PGBD2: variants seen among roughly 807,000 people sequenced by gnomAD.
The protein encoded by PGBD2 is piggyBac transposable element derived 2.
A neutral mutation model predicts 8.1 loss-of-function variants in PGBD2; 6 were observed. That is an observed-to-expected ratio of 0.74 (90% confidence interval 0.40 to 1.46). PGBD2 has a LOEUF of 1.46. PGBD2 is among the 40% of genes most tolerant of loss of function. The probability of loss-of-function intolerance (pLI) is 0.02; values close to 1 mark genes in which losing one functional copy is unlikely to be tolerated. For missense variants in PGBD2, 802 were observed against 739.0 expected (o/e 1.09, Z -0.99); for synonymous variants, 318 against 272.2 (o/e 1.17, Z -1.66).
chr1:248,914,646 G>A, intron 2 of PGBD2: 1 of 1,256,394 alleles, frequency 8.0e-7, no homozygotes. Flanking sequence ...GCCTGCAAAG[G>A]GGCACAGGGA....
At chr1:248,876,085 C>T in the PGBD2 span, among the ~76,000 whole-genome samples, 2 of 151,364 alleles carry the variant, frequency 1.3e-5, no homozygotes, top group Admixed American at 6.6e-5. Flanking sequence ...CTTGGCTCAC[C>T]GCAACCTCCG....
At chr1:248,922,681 T>C (rs1355962002), downstream of PGBD2, among the ~76,000 whole-genome samples, 2 of 152,210 alleles carry the variant, frequency 1.3e-5, no homozygotes, top group Non-Finnish European at 2.9e-5. Flanking sequence ...TGTTGAATTT[T>C]GTTGAAGGCC....
Position 248,909,293 on chromosome 1 carries a change from C to T in PGBD2, c.-48+2951C>T, listed in dbSNP as rs147020524. On this transcript the variant is annotated intron_variant, in intron 1 of 2. Coordinates refer to ENST00000329291, the MANE Select transcript of PGBD2 (RefSeq NM_170725.3). ...GAATGGGTTTTTGCTGAGCTTCTTG[C>T]GTATGTATCCCCCTCTGACCTGGTT... Among the ~76,000 whole-genome samples, 59 of 152,232 alleles carry T rather than the reference C, an allele frequency of 3.9e-4. 1 individual carries two copies. In the East Asian group the frequency reaches 8.1e-3, roughly 21 times the overall value.
chr1:248,922,062 CTTTTTTT>C (rs977032872), downstream of PGBD2, among the ~76,000 whole-genome samples: 12 of 139,086 alleles, frequency 8.6e-5, no homozygotes, highest in Non-Finnish European at 1.6e-4. Flanking sequence ...TTTCTTTTTT[CTTTTTTT>C]TTTTTTTTGA....
At chr1:248,883,592 T>C in the PGBD2 span, among the ~76,000 whole-genome samples, 549 of 138,030 alleles carry the variant, frequency 4.0e-3, 3 homozygotes, top group Non-Finnish European at 6.3e-3. Flanking sequence ...TTCTTTTTTT[T>C]TTTTTTTTTT....
the PGBD2 span, among the ~76,000 whole-genome samples, chr1:248,874,321 T>C: frequency 5.9e-5 from 9 of 152,296 alleles, no homozygotes; most frequent in African/African-American, 1.4e-4. Context: ...GTCAGGAAAG[T>C]AAGCCGTTTT....
the PGBD2 span, among the ~76,000 whole-genome samples, chr1:248,927,909 A>C: frequency 6.6e-6 from 1 of 152,238 alleles, no homozygotes; most frequent in Non-Finnish European, 1.5e-5. Context: ...TAACTTCATG[A>C]ACCAAAACCA....
the PGBD2 span, among the ~76,000 whole-genome samples, chr1:248,882,949 A>G: frequency 2.6e-5 from 4 of 152,318 alleles, no homozygotes; most frequent in South Asian, 4.1e-4. Flanking sequence ...AATGTGGTGC[A>G]TTATATTTTA....
chr1:248,914,508 T>C (rs776987917), intron 2 of PGBD2: 1 of 1,289,008 alleles, frequency 7.8e-7, no homozygotes. Context: ...CTCCAGGAAG[T>C]GAGGTTGGAG....
chr1:248,927,115 C>A, the PGBD2 span, among the ~76,000 whole-genome samples: 1 of 152,140 alleles, frequency 6.6e-6, no homozygotes, highest in African/African-American at 2.4e-5. Flanking sequence ...CTGGGAGATG[C>A]AGAAGGAGTA....
chr1:248,879,252 A>G, the PGBD2 span, among the ~76,000 whole-genome samples: 2 of 151,926 alleles, frequency 1.3e-5, no homozygotes, highest in Non-Finnish European at 2.9e-5. Context: ...TTTTCTTCTG[A>G]GTTGTAGAGG....
intron 1 of PGBD2, among the ~76,000 whole-genome samples, chr1:248,910,562 A>AT (rs1380117538): frequency 2.6e-5 from 4 of 152,016 alleles, no homozygotes; most frequent in Non-Finnish European, 2.9e-5. Flanking sequence ...CATATTACAC[A>AT]TTTTTCCTGG....
chr1:248,878,931 A>C, the PGBD2 span, among the ~76,000 whole-genome samples: 1 of 152,164 alleles, frequency 6.6e-6, no homozygotes, highest in African/African-American at 2.4e-5. Flanking sequence ...TATAAAATCT[A>C]TCTGTAGGCA....
At chr1:248,928,035 C>T in the PGBD2 span, among the ~76,000 whole-genome samples, 3 of 152,188 alleles carry the variant, frequency 2.0e-5, no homozygotes, top group Non-Finnish European at 4.4e-5. Context: ...CAGGGTGTTT[C>T]GACTTCTTCC....
the PGBD2 span, among the ~76,000 whole-genome samples, chr1:248,880,878 T>G: frequency 6.6e-6 from 1 of 152,214 alleles, no homozygotes; most frequent in Non-Finnish European, 1.5e-5. Flanking sequence ...CCAATAATCT[T>G]AAATGTGTTA....
chr1:248,896,794 G>GA, the PGBD2 span, among the ~76,000 whole-genome samples: 9 of 152,332 alleles, frequency 5.9e-5, no homozygotes, highest in Admixed American at 3.3e-4. Context: ...GGAGAGCAAG[G>GA]AAAAGCAAGG....
chr1:248,908,379 A>T (rs1661734736), intron 1 of PGBD2, among the ~76,000 whole-genome samples: 1 of 152,096 alleles, frequency 6.6e-6, no homozygotes, highest in African/African-American at 2.4e-5. Flanking sequence ...TCTTCCTCCC[A>T]GTGCTGCTAG....
intron 1 of PGBD2, among the ~76,000 whole-genome samples, chr1:248,909,927 C>T (rs1171634485): frequency 6.6e-6 from 1 of 152,198 alleles, no homozygotes; most frequent in Non-Finnish European, 1.5e-5. Flanking sequence ...GATTTTATTT[C>T]AGAGCTTGGT....
the PGBD2 span, among the ~76,000 whole-genome samples, chr1:248,899,197 A>C: frequency 1.3e-5 from 2 of 152,324 alleles, no homozygotes; most frequent in South Asian, 4.1e-4. Context: ...CAGATTATAG[A>C]GACAGAAAAT....
Sources: allele counts gnomAD v4.1 joint callset (sites outside exome capture counted in the v4.1 genomes callset), GRCh38; gene constraint gnomAD v4.1.1; transcripts MANE v1.5; gene names NCBI Gene and HGNC (gene_info 2026-07-23, HGNC 2026-07-21).